HDAC9: variants seen among roughly 807,000 people sequenced by gnomAD.
HDAC9 encodes MEF-2 interacting transcription repressor (MITR) protein.
In HDAC9, 41 loss-of-function variants were observed where a neutral mutation model predicts 139.4. The ratio of observed to expected loss-of-function variants is 0.29; its 90% CI spans 0.23 to 0.38. The LOEUF is 0.38. HDAC9 is among the 10% of genes least tolerant of loss of function. HDAC9 has a pLI of 1.00. For synonymous variants in HDAC9, 517 were observed against 476.2 expected (o/e 1.09, Z -1.12); for missense variants, 1,147 against 1,297.0 (o/e 0.88, Z 1.78).
intron 2 of HDAC9, among the ~76,000 whole-genome samples, chr7:18,273,014 C>CTTCTTCTTCT (rs1276143784): frequency 0.014 from 1,920 of 139,920 alleles, 69 homozygotes; most frequent in African/African-American, 0.05. Context: ...CTTCTTCTTC[C>CTTCTTCTTCT]TCCTCCTCCT....
In HDAC9 at chr7:18,554,366, T is replaced by C. The variant is rs910337132; in HGVS notation, c.23-30915T>C. Among the ~76,000 whole-genome samples, 169 of 130,726 alleles carry C rather than the reference T, an allele frequency of 1.3e-3. 1 individual carries two copies. Among genetic ancestry groups the C allele is most frequent in the Middle Eastern group, 4.0e-3 (1 of 252 alleles). The allele number at this position is 130,726 out of a possible 152,430, so 85.8% of individuals were successfully genotyped here. On this transcript the variant is annotated intron_variant, in intron 2 of 25. Transcript: ENST00000686413. ...TTTTTTTTTTTTTTGAGACGGAGTC[T>C]CTGTCATCACCCAGGCTGGCGTGCA...
chr7:18,345,889 C>T (rs188160898), intron 1 of HDAC9, among the ~76,000 whole-genome samples: 21 of 152,038 alleles, frequency 1.4e-4, no homozygotes, highest in Admixed American at 2.0e-4. Context: ...TCTTTTCCAA[C>T]GACTCCTGTT....
In HDAC9 at chr7:18,634,794, A is replaced by C. The variant is rs1418756339; in HGVS notation, c.912+52A>C. On this transcript the variant is annotated intron_variant, in intron 8 of 25. Transcript: ENST00000686413. The stretch of plus-strand genomic sequence containing the variant: ...TTAAAAACTGAATTTCTGATTAGCT[A>C]CCTAATACAAAGTGATATTTCTGAG... 5 of 1,114,012 alleles carry C rather than the reference A, an allele frequency of 4.5e-6. No homozygotes were observed. In the East Asian group the frequency reaches 1.3e-4, roughly 29 times the overall value. 69.0% of individuals were successfully genotyped at this position (1,114,012 alleles called of 1,614,324 possible). A position where few individuals can be genotyped will look rare whatever the true frequency, so the allele number is the denominator to read the frequency against.
chr7:18,302,729 T>C (rs1032425763), intron 1 of HDAC9, among the ~76,000 whole-genome samples: 27 of 152,316 alleles, frequency 1.8e-4, no homozygotes, highest in African/African-American at 6.5e-4. Context: ...TCTGTAAAGC[T>C]AGAAACAAAC....
At chr7:18,758,371 T>C (rs915407616) in intron 14 of HDAC9, among the ~76,000 whole-genome samples, 4 of 152,192 alleles carry the variant, frequency 2.6e-5, no homozygotes, top group Non-Finnish European at 5.9e-5. Context: ...CAGAAAACTT[T>C]AGCCTATTTT....
chr7:18,355,665 A>G (rs772172941), intron 1 of HDAC9, among the ~76,000 whole-genome samples: 2 of 152,184 alleles, frequency 1.3e-5, no homozygotes, highest in African/African-American at 4.8e-5. Context: ...TTAAATATAC[A>G]GAGTGTGAGA....
intron 1 of HDAC9, among the ~76,000 whole-genome samples, chr7:18,372,613 T>G (rs1022460888): frequency 6.6e-6 from 1 of 152,220 alleles, no homozygotes; most frequent in African/African-American, 2.4e-5. Context: ...GGGGCAGAGC[T>G]GTTATTATTT....
intron 2 of HDAC9, among the ~76,000 whole-genome samples, chr7:18,179,068 C>T (rs1282848973): frequency 6.6e-6 from 1 of 152,172 alleles, no homozygotes; most frequent in Non-Finnish European, 1.5e-5. Flanking sequence ...TGTATCTGGT[C>T]AAATGGAGTT....
chr7:18,801,021 T>C lies in HDAC9; in HGVS notation c.2322+7569T>C, dbSNP rs1793245069. 2.0e-5 allele frequency among the ~76,000 whole-genome samples: 3 copies of C among 152,264 alleles called. No individual in the cohort carries two copies. In the South Asian group the frequency reaches 6.2e-4, roughly 32 times the overall value. On this transcript the variant is annotated intron_variant, in intron 17 of 25. Transcript: ENST00000686413. ...TTATTGCAAAACTAGTAACAATTTA[T>C]AAGTCATTTGGGGTTTCTTTCTGAT...
At chr7:18,714,258 C>T (rs1165175431) in intron 12 of HDAC9, among the ~76,000 whole-genome samples, 6 of 152,186 alleles carry the variant, frequency 3.9e-5, no homozygotes, top group African/African-American at 1.4e-4. Flanking sequence ...AAGTTGCCTA[C>T]TCTACGCAAA....
intron 2 of HDAC9, among the ~76,000 whole-genome samples, chr7:18,565,529 G>A (rs1822024224): frequency 6.6e-6 from 1 of 152,128 alleles, no homozygotes. Flanking sequence ...CAGTTGGAAT[G>A]AGAAAAACAG....
chr7:18,252,782 G>T (rs150061253), intron 2 of HDAC9, among the ~76,000 whole-genome samples: 25 of 151,852 alleles, frequency 1.6e-4, no homozygotes, highest in Admixed American at 1.1e-3. Context: ...TTATATTATG[G>T]TAGGTAAATT....
At chr7:18,383,482 G>A (rs1014395304) in intron 1 of HDAC9, among the ~76,000 whole-genome samples, 1 of 152,102 alleles carries the variant, frequency 6.6e-6, no homozygotes, top group African/African-American at 2.4e-5. Flanking sequence ...GAAATGAAGG[G>A]TTATTTCAGA....
chr7:18,426,122 C>A (rs376337303), intron 1 of HDAC9, among the ~76,000 whole-genome samples: 4 of 152,184 alleles, frequency 2.6e-5, no homozygotes, highest in South Asian at 4.1e-4. Flanking sequence ...CTGAATAAAT[C>A]AAGCATAATT....
intron 24 of HDAC9, among the ~76,000 whole-genome samples, chr7:18,964,070 T>G (rs989569467): frequency 3.9e-5 from 6 of 152,168 alleles, no homozygotes; most frequent in Non-Finnish European, 8.8e-5. Flanking sequence ...TTCCAGAGAT[T>G]TCCCCAATGC....
At chr7:18,795,257 T>TAAAAAAAAA (rs5882676) in intron 17 of HDAC9, among the ~76,000 whole-genome samples, 8 of 65,496 alleles carry the variant, frequency 1.2e-4, no homozygotes, top group African/African-American at 2.8e-4. Context: ...AAGAAAACAG[T>TAAAAAAAAA]AAAAAAAAAA....
intron 2 of HDAC9, among the ~76,000 whole-genome samples, chr7:18,567,731 A>G (rs906306282): frequency 6.6e-6 from 1 of 152,114 alleles, no homozygotes; most frequent in African/African-American, 2.4e-5. Context: ...ACTATCTTGC[A>G]TGAAGCACAA....
chr7:18,694,302 T>C (rs1782879496), intron 12 of HDAC9, among the ~76,000 whole-genome samples: 1 of 152,150 alleles, frequency 6.6e-6, no homozygotes, highest in Non-Finnish European at 1.5e-5. Flanking sequence ...TCACAAAGGA[T>C]CTAATGAATG....
At chr7:18,765,286 A>G (rs1332826020) in intron 15 of HDAC9, among the ~76,000 whole-genome samples, 1 of 152,152 alleles carries the variant, frequency 6.6e-6, no homozygotes, top group Non-Finnish European at 1.5e-5. Flanking sequence ...TTATTTTGCT[A>G]ATTCTCTTGG....
Sources: allele counts gnomAD v4.1 joint callset (sites outside exome capture counted in the v4.1 genomes callset), GRCh38; gene constraint gnomAD v4.1.1; transcripts MANE v1.5; gene names NCBI Gene and HGNC (gene_info 2026-07-23, HGNC 2026-07-21).